PCNX3: variants seen among roughly 807,000 people sequenced by gnomAD.
The protein encoded by PCNX3 is pecanex-like protein 3.
Under a neutral mutation model 207.2 loss-of-function variants are expected in PCNX3, and 58 were observed. The ratio of observed to expected loss-of-function variants is 0.28; its 90% confidence interval spans 0.23 to 0.35. The LOEUF is 0.35. Among genes scored for constraint, PCNX3 ranks in the 10% least tolerant of loss-of-function variants. The pLI, the probability that PCNX3 is intolerant of heterozygous loss-of-function variation, is 1.00. For synonymous variants in PCNX3, 1,337 were observed against 1,183.5 expected (o/e 1.13, Z -2.66); for missense variants, 2,410 against 2,774.4 (o/e 0.87, Z 2.95).
At chr11:65,620,586 C>T (rs1855035033) in intron 9 of PCNX3, among the ~76,000 whole-genome samples, 157 bp downstream of exon 9, 2 of 152,250 alleles carry the variant, frequency 1.3e-5, no homozygotes, top group East Asian at 1.9e-4. Flanking sequence ...GACAGACCTC[C>T]TGGGGTCCCT....
chr11:65,628,025 TG>T (rs1370402788), intron 22 of PCNX3, among the ~76,000 whole-genome samples: 8 of 152,060 alleles, frequency 5.3e-5, no homozygotes, highest in Non-Finnish European at 1.0e-4. Flanking sequence ...TGCCACGGCT[TG>T]GGGGGCTCTT....
Position 65,619,796 on chromosome 11 carries a change from C to G in PCNX3, c.1872C>G (p.Ser624=), listed in dbSNP as rs753770386. 1 of 1,588,910 alleles carries G rather than the reference C, an allele frequency of 6.3e-7. No homozygotes were observed. Among genetic ancestry groups the G allele is most frequent in the Non-Finnish European group, 8.5e-7 (1 of 1,173,156 alleles). The change falls in exon 8 of 35, where the codon TCC becomes TCG. Residue 624 remains serine (S), a synonymous_variant. Transcript: ENST00000355703. ...EAQRGRAASH[S]RALTLPSALH... is the part of the protein sequence containing the mutation. ...AGCGGGGCCGGGCTGCCTCCCACTC[C>G]CGGGCGCTGACGCTGCCCTCTGCGC...
intron 21 of PCNX3, 151 bp from the exon 22 acceptor site, chr11:65,627,254 A>G: frequency 1.8e-6 from 2 of 1,128,460 alleles, no homozygotes; most frequent in Non-Finnish European, 2.4e-6. Context: ...AAGAGCAGAG[A>G]CTAAGAGTCA....
At chr11:65,621,016 G>A (rs1457554020) in intron 10 of PCNX3, 50 bp downstream of exon 10, 3 of 1,487,284 alleles carry the variant, frequency 2.0e-6, no homozygotes, top group Admixed American at 2.1e-5. Flanking sequence ...GACGGGGCGG[G>A]CAGATCACTG....
intron 27 of PCNX3, among the ~76,000 whole-genome samples, chr11:65,631,504 A>G (rs1185046412): frequency 2.0e-5 from 3 of 152,124 alleles, no homozygotes; most frequent in African/African-American, 7.2e-5. Flanking sequence ...TAAAAATACA[A>G]AATAATTAGC....
At chr11:65,624,628 C>T (rs1384856375) in intron 15 of PCNX3, 47 bp downstream of exon 15, 1 of 1,490,422 alleles carries the variant, frequency 6.7e-7, no homozygotes, top group East Asian at 2.4e-5. Flanking sequence ...TGTGGAGGCC[C>T]AGGAGGGCCC....
rs1385765262 is a variant in PCNX3, at chr11:65,629,346, TC to T, written c.3942-10del. 1.2e-6 allele frequency: 2 copies of T among 1,608,684 alleles called. No homozygotes were observed. Among genetic ancestry groups the T allele is most frequent in the African/African-American group, 2.7e-5 (2 of 74,808 alleles). ...CTTGGCCAACCGCCTTGTTGCACTC[TC>T]TCTGAACAGCACTAAACGTGTGGAT... is the stretch of plus-strand genomic sequence containing the variant. On this transcript the variant is annotated splice_polypyrimidine_tract_variant and intron_variant, in intron 24 of 34. Coordinates refer to ENST00000355703, the MANE Select transcript of PCNX3 (RefSeq NM_032223.4).
Position 65,625,353 on chromosome 11 carries a change from G to T in PCNX3, c.3030-52G>T. On this transcript the variant is annotated intron_variant, in intron 17 of 34. Coordinates refer to ENST00000355703, the MANE Select transcript of PCNX3 (RefSeq NM_032223.4). The surrounding 1 kb of genome is among the most constrained non-coding windows in gnomAD (Gnocchi z 5.6). ...GTGGTCTGTGCATGTGCCCGTGACT[G>T]GGGCCGGGGGGAAGGAGGGGCGGCC... The T allele has an allele frequency of 6.3e-7, 1 of 1,593,054 alleles. No homozygotes were observed. The highest frequency in any genetic ancestry group is 1.1e-5 in the South Asian group (1 of 90,822).
Position 65,629,402 on chromosome 11 carries a change from G to T in PCNX3, c.3987G>T (p.Leu1329=). Residue 1329 remains leucine, a synonymous_variant, in exon 25 of 35, where the codon CTG becomes CTT. Transcript: ENST00000355703. ...DHSNTRLVTQ[L]DRNPGADDNN... is the part of the protein sequence containing the mutation. ...CCAACACCCGCCTGGTCACACAGCT[G>T]GACAGGAACCCTGGTGTGTACCCAG... The T allele has an allele frequency of 1.9e-6, 3 of 1,612,306 alleles. No homozygotes were observed. The highest frequency in any genetic ancestry group is 2.5e-6 in the Non-Finnish European group (3 of 1,179,148).
intron 20 of PCNX3, chr11:65,626,602 CTG>C (rs768185228): frequency 2.7e-5 from 13 of 477,322 alleles, no homozygotes; most frequent in Non-Finnish European, 4.6e-5. Context: ...CACGGGCTCA[CTG>C]TGCACTCAGG....
At chr11:65,626,121 T>C in intron 20 of PCNX3, 67 bp downstream of exon 20, 1 of 1,539,346 alleles carries the variant, frequency 6.5e-7, no homozygotes, top group Non-Finnish European at 8.7e-7. Flanking sequence ...TGGTGGGAGC[T>C]GTGGTCCTCT....
At position 65,616,182 on chromosome 11, in the gene PCNX3, C is replaced by G; in HGVS notation, c.-130C>G. On this transcript the variant is annotated 5_prime_UTR_variant, in exon 1 of 35. Coordinates refer to ENST00000355703, the MANE Select transcript of PCNX3 (RefSeq NM_032223.4). ...CCTCGCGCGGCCGAGCCCCCCTCCCCCGCTGGGGGAGGCCATGGCGTGAGC... is the reference window on the plus strand; with the variant it reads ...CCTCGCGCGGCCGAGCCCCCCTCCCGCGCTGGGGGAGGCCATGGCGTGAGC... 2.9e-6 allele frequency: 2 copies of G among 686,490 alleles called. No individual in the cohort carries two copies. Among genetic ancestry groups the G allele is most frequent in the South Asian group, 4.0e-5 (1 of 24,768 alleles). The allele number at this position is 686,490 out of a possible 1,614,324, so 42.5% of individuals were successfully genotyped here.
rs1213727149 is a variant in PCNX3 at position 65,637,350 on chromosome 11, G to A, written c.*372G>A. On this transcript the variant is annotated 3_prime_UTR_variant, in exon 35 of 35. Transcript: ENST00000355703. ...TGGGGCCTGAATTGTGGGAAGGGTG[G>A]TTTCTTTCTTTCCTTTTTTTTCTTT... is the stretch of plus-strand genomic sequence containing the variant. 4 of 235,768 alleles carry A rather than the reference G, an allele frequency of 1.7e-5. No individual in the cohort carries two copies. The highest frequency in any genetic ancestry group is 3.2e-5 in the Non-Finnish European group (4 of 124,024). 14.6% of individuals were successfully genotyped at this position (235,768 alleles called of 1,614,324 possible).
Position 65,619,605 on chromosome 11 carries a change from C to T in PCNX3, c.1774C>T (p.His592Tyr), listed in dbSNP as rs1298442109. 6.2e-7 allele frequency: 1 copy of T among 1,606,572 alleles called. No individual in the cohort carries two copies. The highest frequency in any genetic ancestry group is 8.5e-7 in the Non-Finnish European group (1 of 1,178,870). ...VRRTQAIRRR[H>Y]NAGSNPTPPA... ...GCGGACCCAGGCCATTCGGAGACGC[C>T]ACAATGCAGGCAGCAACCCCACCCC... Residue 592 changes from histidine to tyrosine, a missense_variant, in exon 7 of 35, where the codon CAC becomes TAC. Coordinates refer to ENST00000355703, the MANE Select transcript of PCNX3 (RefSeq NM_032223.4).
rs1423934981 is a variant in PCNX3, at chr11:65,616,219, C to A, written c.-93C>A. On this transcript the variant is annotated 5_prime_UTR_variant, in exon 1 of 35. Coordinates refer to ENST00000355703, the MANE Select transcript of PCNX3 (RefSeq NM_032223.4). ...GCCATGGCGTGAGCGTGAGGCCGGG[C>A]CCCGGGGCCCTCAGGCGCCAGACGG... The A allele has an allele frequency of 4.6e-6, 5 of 1,081,522 alleles. No homozygotes were observed. In the East Asian group the frequency reaches 9.4e-5, roughly 20 times the overall value. The allele number at this position is 1,081,522 out of a possible 1,614,324, so 67.0% of individuals were successfully genotyped here.
chr11:65,632,574 C>A (rs555313884), intron 27 of PCNX3, among the ~76,000 whole-genome samples: 72 of 128,928 alleles, frequency 5.6e-4, no homozygotes, highest in African/African-American at 2.0e-3. Context: ...CAGAGCCCAG[C>A]TCGCAGTGAG....
chr11:65,616,677 C>G, intron 1 of PCNX3, 147 bp from the exon 2 acceptor site: 3 of 1,010,360 alleles, frequency 3.0e-6, no homozygotes, highest in Non-Finnish European at 4.3e-6. Context: ...AATACAGAGC[C>G]CTTTGTCGAG....
chr11:65,622,085 G>T lies in PCNX3; in HGVS notation c.2236-160G>T, dbSNP rs1386001767. On this transcript the variant is annotated intron_variant, in intron 10 of 34. Coordinates refer to ENST00000355703, the MANE Select transcript of PCNX3 (RefSeq NM_032223.4). ...AAGGGTTCTGGTGGGGTCCAGGGCC[G>T]CTAGACAGGGGCCTTTATGTGCTGA... 7 of 859,052 alleles carry T rather than the reference G, an allele frequency of 8.1e-6. No homozygotes were observed. In the African/African-American group the frequency reaches 1.3e-4, roughly 16 times the overall value. The allele number at this position is 859,052 out of a possible 1,614,324, so 53.2% of individuals were successfully genotyped here.
In PCNX3 at chr11:65,625,013, C is replaced by G. The variant is rs751563370; in HGVS notation, c.2916C>G (p.Ile972Met). Residue 972 changes from isoleucine (I) to methionine (M), a missense_variant, in exon 16 of 35, where the codon ATC (isoleucine) becomes ATG (methionine). Transcript: ENST00000355703. This position sits in a 1 kb window ranked among gnomAD's most constrained non-coding sequence, Gnocchi z 5.6. Reference protein sequence around the residue: ...ALLYGFCLGAIKTPWPEQHVP... With the variant: ...ALLYGFCLGAMKTPWPEQHVP... ...TCTACGGTTTCTGCCTTGGGGCCATCAAGGTAGGGGTGGCTTGCGAGGTGG... is the reference window on the plus strand; with the variant it reads ...TCTACGGTTTCTGCCTTGGGGCCATGAAGGTAGGGGTGGCTTGCGAGGTGG... The G allele has an allele frequency of 4.3e-6, 7 of 1,612,084 alleles. No individual in the cohort carries two copies. Among genetic ancestry groups the G allele is most frequent in the South Asian group, 1.1e-5 (1 of 90,904 alleles).
Sources: allele counts gnomAD v4.1 joint callset (sites outside exome capture counted in the v4.1 genomes callset), GRCh38; gene constraint gnomAD v4.1.1; non-coding constraint Gnocchi (gnomAD v3.1); transcripts MANE v1.5; gene names NCBI Gene and HGNC (gene_info 2026-07-23, HGNC 2026-07-21).